The following DRC2 variants were observed in gnomAD, a reference collection of about 807,000 sequenced individuals.
The protein encoded by DRC2 is coiled-coil domain containing 65.
At chr12:48,920,111 TAAAAAAAAAA>T in the DRC2 span, among the ~76,000 whole-genome samples, 27 of 32,080 alleles carry the variant, frequency 8.4e-4, no homozygotes, top group East Asian at 9.3e-3. Flanking sequence ...AGACCCTGTC[TAAAAAAAAAA>T]AAAAAAAAAA....
the DRC2 span, among the ~76,000 whole-genome samples, chr12:48,904,623 G>A: frequency 6.6e-6 from 1 of 152,300 alleles, no homozygotes; most frequent in East Asian, 1.9e-4. Context: ...TTTGGGAGGC[G>A]GGGGTGTTCT....
the DRC2 span, chr12:48,914,504 G>C: frequency 6.2e-7 from 1 of 1,614,178 alleles, no homozygotes; most frequent in Non-Finnish European, 8.5e-7. Flanking sequence ...CAGAGGCACC[G>C]GCTCAGTCTC....
At chr12:48,920,889 A>T in the DRC2 span, 1 of 1,569,076 alleles carries the variant, frequency 6.4e-7, no homozygotes, top group Non-Finnish European at 8.6e-7. Context: ...TTCCCTCTTC[A>T]CTCCCTTTCC....
At chr12:48,920,509 T>C in the DRC2 span, among the ~76,000 whole-genome samples, 1 of 148,046 alleles carries the variant, frequency 6.8e-6, no homozygotes, top group Non-Finnish European at 1.5e-5. Flanking sequence ...AGGAATGAAT[T>C]ATTAATAATG....
chr12:48,904,301 C>T, the DRC2 span: 1 of 1,597,820 alleles, frequency 6.3e-7, no homozygotes, highest in Non-Finnish European at 8.5e-7. Context: ...CCGAGGCAGA[C>T]CGAGGCTTCT....
the DRC2 span, among the ~76,000 whole-genome samples, chr12:48,906,068 G>C: frequency 6.6e-6 from 1 of 152,118 alleles, no homozygotes; most frequent in Non-Finnish European, 1.5e-5. Flanking sequence ...ACTGCACCCA[G>C]CCAGAGTCTT....
the DRC2 span, chr12:48,918,941 G>C: frequency 6.6e-7 from 1 of 1,526,584 alleles, no homozygotes; most frequent in Non-Finnish European, 9.1e-7. Context: ...TAAAGTCAAG[G>C]AACCTGCCTC....
the DRC2 span, among the ~76,000 whole-genome samples, chr12:48,908,326 T>G: frequency 6.6e-6 from 1 of 152,074 alleles, no homozygotes; most frequent in Non-Finnish European, 1.5e-5. Flanking sequence ...GTGCTAGTAT[T>G]ACAGGCATGA....
chr12:48,913,133 CAAAA>C, the DRC2 span, among the ~76,000 whole-genome samples: 4 of 69,812 alleles, frequency 5.7e-5, no homozygotes, highest in Admixed American at 3.4e-4. Flanking sequence ...GACTCCGTCT[CAAAA>C]AAAAAAAAAA....
chr12:48,906,302 A>ATTTTTTTT, the DRC2 span, among the ~76,000 whole-genome samples: 2 of 134,914 alleles, frequency 1.5e-5, no homozygotes, highest in South Asian at 4.8e-4. Context: ...CACCTTATGG[A>ATTTTTTTT]TTTTTTTTTT....
chr12:48,905,399 A>G, the DRC2 span, among the ~76,000 whole-genome samples: 2 of 152,174 alleles, frequency 1.3e-5, no homozygotes, highest in Non-Finnish European at 2.9e-5. Flanking sequence ...TGAGTCCCAC[A>G]CCTTCATTTC....
At chr12:48,905,157 C>G in the DRC2 span, 1 of 1,502,022 alleles carries the variant, frequency 6.7e-7, no homozygotes, top group Non-Finnish European at 9.0e-7. Context: ...GCTTCCTGAC[C>G]TCTTAATAGA....
At chr12:48,912,437 C>CAAAAAAAATAAAAAAA in the DRC2 span, among the ~76,000 whole-genome samples, 1 of 45,356 alleles carries the variant, frequency 2.2e-5, no homozygotes, top group Non-Finnish European at 3.7e-5. Flanking sequence ...GACGCCGTCT[C>CAAAAAAAATAAAAAAA]AAAAAAAAAA....
chr12:48,909,283 T>C, the DRC2 span, among the ~76,000 whole-genome samples: 153 of 152,148 alleles, frequency 1.0e-3, 1 homozygote, highest in African/African-American at 3.6e-3. Context: ...CTTCAGGTGA[T>C]CCACCTGCCT....
chr12:48,918,833 A>G, the DRC2 span: 40 of 1,613,888 alleles, frequency 2.5e-5, no homozygotes, highest in Admixed American at 1.2e-4. Flanking sequence ...GCAGCATCCC[A>G]GAAGAACTTA....
chr12:48,910,819 C>T, the DRC2 span, among the ~76,000 whole-genome samples: 4 of 152,062 alleles, frequency 2.6e-5, no homozygotes, highest in South Asian at 4.2e-4. Context: ...CCAATGCAGG[C>T]GGATCGCTTG....
chr12:48,906,181 C>A, the DRC2 span, among the ~76,000 whole-genome samples: 1 of 152,168 alleles, frequency 6.6e-6, no homozygotes, highest in Non-Finnish European at 1.5e-5. Context: ...ATAGCCTAAT[C>A]CCTGGGGAAA....
chr12:48,918,243 C>G, the DRC2 span: 1 of 1,608,084 alleles, frequency 6.2e-7, no homozygotes, highest in Non-Finnish European at 8.5e-7. Flanking sequence ...AAGGTAATTC[C>G]AAACATTTGC....
chr12:48,908,839 G>A, the DRC2 span, among the ~76,000 whole-genome samples: 1 of 151,564 alleles, frequency 6.6e-6, no homozygotes, highest in East Asian at 1.9e-4. Context: ...GGCCTCAGGT[G>A]ATCCACCTGC....
Sources: allele counts gnomAD v4.1 joint callset (sites outside exome capture counted in the v4.1 genomes callset), GRCh38; gene constraint gnomAD v4.1.1; transcripts MANE v1.5; gene names NCBI Gene and HGNC (gene_info 2026-07-23, HGNC 2026-07-21).